Variants in KCNIP4 observed in about 807,000 individuals in gnomAD.
KCNIP4 encodes Kv channel-interacting protein 4.
A neutral mutation model predicts 34.0 loss-of-function variants in KCNIP4; 12 were observed. The ratio of observed to expected loss-of-function variants is 0.35; its 90% CI spans 0.23 to 0.57. The LOEUF is 0.57. Ranked by LOEUF, KCNIP4 falls within the 20% of genes least tolerant of loss-of-function variation. The pLI, the probability that KCNIP4 is intolerant of heterozygous loss-of-function variation, is 0.83. For synonymous variants in KCNIP4, 124 were observed against 102.2 expected, an observed-to-expected ratio of 1.21 and a Z score of -1.29; for missense variants, 238 against 311.7, an observed-to-expected ratio of 0.76 and a Z score of 1.78.
rs186935727 is a variant in KCNIP4, at chr4:21,640,234, C to A, written c.61+308337G>T. ...GTAACAACACCCATCTTATCTTGGG[C>A]GACTGAGGGCTGCCACTTGGCCAGC... On this transcript the variant is annotated intron_variant, in intron 1 of 8. Transcript: ENST00000382152. 1.5e-4 allele frequency among the ~76,000 whole-genome samples: 23 copies of A among 152,264 alleles called. No individual in the cohort carries two copies. The East Asian group carries it at 4.4e-3, about 29-fold the overall frequency.
At chr4:20,934,798 C>T (rs1437769975) in intron 1 of KCNIP4, among the ~76,000 whole-genome samples, 1 of 152,186 alleles carries the variant, frequency 6.6e-6, no homozygotes, top group Non-Finnish European at 1.5e-5. Flanking sequence ...ATAGAGCTGC[C>T]TTGACAAATG....
At chr4:21,880,640 G>A (rs1217476209) in intron 1 of KCNIP4, among the ~76,000 whole-genome samples, 1 of 152,182 alleles carries the variant, frequency 6.6e-6, no homozygotes, top group African/African-American at 2.4e-5. Flanking sequence ...GGAAAAAGAA[G>A]AGAACAAAAT....
At chr4:21,429,036 C>G (rs1726185020) in intron 1 of KCNIP4, among the ~76,000 whole-genome samples, 1 of 152,150 alleles carries the variant, frequency 6.6e-6, no homozygotes, top group African/African-American at 2.4e-5. Flanking sequence ...ACTCTACATT[C>G]TATAGGTTTT....
At chr4:21,849,722 G>A (rs1724253332) in intron 1 of KCNIP4, 1 of 151,980 alleles carries the variant, frequency 6.6e-6, no homozygotes, top group South Asian at 2.1e-4. Flanking sequence ...TACTAGATGT[G>A]AAAATTCTAA....
rs59708864 is a variant in KCNIP4, at chr4:21,366,516, A to G, written c.62-483807T>C. 6.5e-3 allele frequency among the ~76,000 whole-genome samples: 993 copies of G among 152,346 alleles called. 11 individuals are homozygous for G. Among genetic ancestry groups the G allele is most frequent in the African/African-American group, 0.023 (949 of 41,572 alleles). On this transcript the variant is annotated intron_variant, in intron 1 of 8. Transcript: ENST00000382152. ...GAACAAAGCCAGTAATTGCCAGAGTAGAACAGACAGAGCACTAACGATGGG... is the reference window on the plus strand; with the variant it reads ...GAACAAAGCCAGTAATTGCCAGAGTGGAACAGACAGAGCACTAACGATGGG...
At chr4:21,930,030 T>C (rs1348177819) in intron 1 of KCNIP4, among the ~76,000 whole-genome samples, 1 of 152,126 alleles carries the variant, frequency 6.6e-6, no homozygotes, top group Non-Finnish European at 1.5e-5. Flanking sequence ...TCTGTTCGCA[T>C]GGCTGTATCT....
rs1730271305 is a variant in KCNIP4, at chr4:21,942,740, C to A, written c.61+5831G>T. On this transcript the variant is annotated intron_variant, in intron 1 of 8. Coordinates refer to ENST00000382152, the MANE Select transcript of KCNIP4 (RefSeq NM_025221.6). ...TTCAATCAATATGTTTAAATATCTA[C>A]TAGTTTTTTGTTTTGTTTTGTTATG... Among the ~76,000 whole-genome samples, 4 of 152,142 alleles carry A rather than the reference C, an allele frequency of 2.6e-5. No individual in the cohort carries two copies. In the South Asian group the frequency reaches 8.3e-4, roughly 31 times the overall value.
rs538434503 is a variant in KCNIP4 at position 21,930,192 on chromosome 4, A to G, written c.61+18379T>C. Among the ~76,000 whole-genome samples the G allele has an allele frequency of 1.2e-3, 182 of 152,262 alleles. 1 individual carries two copies. The highest frequency in any genetic ancestry group is 4.2e-3 in the African/African-American group (176 of 41,562). ...CATATCCTCAAGGATTCCGCTGAAGATTAAAGCTAGACATGGGGAAAACTT... is the reference window on the plus strand; with the variant it reads ...CATATCCTCAAGGATTCCGCTGAAGGTTAAAGCTAGACATGGGGAAAACTT... On this transcript the variant is annotated intron_variant, in intron 1 of 8. Coordinates refer to ENST00000382152, the MANE Select transcript of KCNIP4 (RefSeq NM_025221.6).
intron 3 of KCNIP4, among the ~76,000 whole-genome samples, chr4:20,826,953 C>T (rs1348361988): frequency 4.6e-5 from 7 of 152,144 alleles, no homozygotes; most frequent in Admixed American, 3.3e-4. Flanking sequence ...CAAAGAGGAC[C>T]ACCATCAACT....
At chr4:21,205,210 T>A (rs556132156) in intron 1 of KCNIP4, among the ~76,000 whole-genome samples, 1 of 152,350 alleles carries the variant, frequency 6.6e-6, no homozygotes, top group East Asian at 1.9e-4. Flanking sequence ...ATCCATTTAA[T>A]TCTTTTCTGA....
chr4:20,870,660 T>C (rs539277203), intron 2 of KCNIP4, among the ~76,000 whole-genome samples: 9 of 152,284 alleles, frequency 5.9e-5, no homozygotes, highest in African/African-American at 2.2e-4. Flanking sequence ...GGACCTTTTA[T>C]ACTCTTCCTG....
At chr4:21,096,790 A>G (rs946975952) in intron 1 of KCNIP4, among the ~76,000 whole-genome samples, 2 of 152,166 alleles carry the variant, frequency 1.3e-5, no homozygotes, top group African/African-American at 4.8e-5. Context: ...AATGTTTAAT[A>G]AAGCCTCTTA....
At chr4:21,481,637 A>T (rs760027747) in intron 1 of KCNIP4, among the ~76,000 whole-genome samples, 3 of 152,188 alleles carry the variant, frequency 2.0e-5, no homozygotes, top group Non-Finnish European at 4.4e-5. Context: ...TGTGTTAAAA[A>T]TTTGAGCTTG....
chr4:21,378,100 T>C (rs16870943), intron 1 of KCNIP4, among the ~76,000 whole-genome samples: 7,308 of 152,240 alleles, frequency 0.048, 452 homozygotes, highest in African/African-American at 0.13. Context: ...CATTGCTATC[T>C]AGGTTACACT....
At chr4:20,867,023 G>T (rs185559586) in intron 2 of KCNIP4, among the ~76,000 whole-genome samples, 1 of 152,098 alleles carries the variant, frequency 6.6e-6, no homozygotes, top group Admixed American at 6.6e-5. Context: ...CAAATAAATG[G>T]AAAAGCATTT....
chr4:21,215,536 C>T (rs367642563), intron 1 of KCNIP4, among the ~76,000 whole-genome samples: 7 of 152,202 alleles, frequency 4.6e-5, no homozygotes, highest in African/African-American at 1.7e-4. Context: ...AGGTTGGAAG[C>T]TTCTTCTCTG....
intron 1 of KCNIP4, among the ~76,000 whole-genome samples, chr4:21,232,644 AG>A (rs1758881480): frequency 6.6e-6 from 1 of 152,202 alleles, no homozygotes; most frequent in East Asian, 1.9e-4. Context: ...ATGAAATTAT[AG>A]AAGAATTTAT....
intron 1 of KCNIP4, among the ~76,000 whole-genome samples, chr4:21,672,941 G>T (rs1046161097): frequency 6.6e-6 from 1 of 152,230 alleles, no homozygotes; most frequent in African/African-American, 2.4e-5. Flanking sequence ...CTGCCATGCA[G>T]GTTTCTCCAG....
intron 1 of KCNIP4, among the ~76,000 whole-genome samples, chr4:21,828,169 C>A (rs115752620): frequency 6.6e-6 from 1 of 150,722 alleles, no homozygotes; most frequent in Non-Finnish European, 1.5e-5. Flanking sequence ...AAAGTTGGTA[C>A]GTATATTTTA....
Sources: allele counts gnomAD v4.1 joint callset (sites outside exome capture counted in the v4.1 genomes callset), GRCh38; gene constraint gnomAD v4.1.1; transcripts MANE v1.5; gene names NCBI Gene and HGNC (gene_info 2026-07-23, HGNC 2026-07-21).